PCDHGA4: variants seen among roughly 807,000 people sequenced by gnomAD.
The protein encoded by PCDHGA4 is protocadherin gamma-A4.
In PCDHGA4, 38 loss-of-function variants were observed where a neutral mutation model predicts 54.6. That is an observed-to-expected ratio of 0.70 (90% CI 0.54 to 0.91). The LOEUF (loss-of-function observed/expected upper bound fraction) is 0.91. Ranked by LOEUF, PCDHGA4 falls within the 40% of genes least tolerant of loss-of-function variation. PCDHGA4 has a pLI of 0.00. For synonymous variants in PCDHGA4, 511 were observed against 512.9 expected, an observed-to-expected ratio of 1.00 and a Z score of 0.05; for missense variants, 1,298 against 1,220.9, an observed-to-expected ratio of 1.06 and a Z score of -0.94.
At chr5:141,374,350 G>A in intron 1 of PCDHGA4, 1 of 1,614,038 alleles carries the variant, frequency 6.2e-7, no homozygotes, top group Non-Finnish European at 8.5e-7. Flanking sequence ...CCGCGGGTAG[G>A]ATAGACCGCG....
In PCDHGA4 at chr5:141,477,877, C is replaced by A; in HGVS notation, c.2515-16930C>A. 1 of 1,614,170 alleles carries A rather than the reference C, an allele frequency of 6.2e-7. No homozygotes were observed. The highest frequency in any genetic ancestry group is 8.5e-7 in the Non-Finnish European group (1 of 1,180,036). On this transcript the variant is annotated intron_variant, in intron 1 of 3. Transcript: ENST00000571252. This position sits in a 1 kb window ranked among gnomAD's most constrained non-coding sequence, Gnocchi z 4.9. The stretch of plus-strand genomic sequence containing the variant: ...TGCTGCCTCGAGGTACCTCAGCTGG[C>A]CACCTAGTGTCACGGGTGGTAGGCT...
rs79464787 is a variant in PCDHGA4, at chr5:141,480,455, T to C, written c.2515-14352T>C. Among the ~76,000 whole-genome samples the C allele has an allele frequency of 7.4e-3, 1,134 of 152,274 alleles. 17 individuals are homozygous for C. The highest frequency in any genetic ancestry group is 0.026 in the African/African-American group (1,086 of 41,548). ...CAGCTATTACTATAATTATTTTTAT[T>C]AGTTCCTCACTCACCTAAAATCTCA... On this transcript the variant is annotated intron_variant, in intron 1 of 3. Transcript: ENST00000571252.
intron 1 of PCDHGA4, among the ~76,000 whole-genome samples, chr5:141,469,951 T>C (rs1467717372): frequency 6.6e-6 from 1 of 152,034 alleles, no homozygotes; most frequent in African/African-American, 2.4e-5. Flanking sequence ...GCCAGCATGG[T>C]GAAACCCCAT....
At chr5:141,462,121 T>A (rs977258025) in intron 1 of PCDHGA4, among the ~76,000 whole-genome samples, 2 of 151,730 alleles carry the variant, frequency 1.3e-5, no homozygotes, top group Non-Finnish European at 2.9e-5. Context: ...CTGCACCCAG[T>A]CCAATTTTTT....
chr5:141,460,346 ATTTTC>A (rs1049715417), intron 1 of PCDHGA4, among the ~76,000 whole-genome samples: 6 of 151,964 alleles, frequency 3.9e-5, no homozygotes, highest in Non-Finnish European at 8.8e-5. Flanking sequence ...TTTCTCCTAT[ATTTTC>A]TTTTAGAAGT....
rs897116364 is a variant in PCDHGA4 at position 141,366,050 on chromosome 5, G to C, written c.2514+8429G>C. On this transcript the variant is annotated intron_variant, in intron 1 of 3. Coordinates refer to ENST00000571252, the MANE Select transcript of PCDHGA4 (RefSeq NM_018917.4). ...CGCCCTCCCCACAGACGGTTCCACGGGCGTGGAGCTGGCGCCTCGCTCCGC... is the reference window on the plus strand; with the variant it reads ...CGCCCTCCCCACAGACGGTTCCACGCGCGTGGAGCTGGCGCCTCGCTCCGC... The C allele has an allele frequency of 1.1e-5, 17 of 1,614,126 alleles. No homozygotes were observed. The highest frequency in any genetic ancestry group is 2.2e-5 in the South Asian group (2 of 91,088).
rs530622003 is a variant in PCDHGA4, at chr5:141,437,077, T to G, written c.2515-57730T>G. ...TGATCATTATTTGGTTTGGGCCATA[T>G]AAGAATTGAAACTAACGGCTTAGCT... On this transcript the variant is annotated intron_variant, in intron 1 of 3. Transcript: ENST00000571252. Among the ~76,000 whole-genome samples, 107 of 152,372 alleles carry G rather than the reference T, an allele frequency of 7.0e-4. 1 individual carries two copies. The highest frequency in any genetic ancestry group is 6.4e-3 in the South Asian group (31 of 4,828).
At chr5:141,458,870 C>G (rs540373442) in intron 1 of PCDHGA4, among the ~76,000 whole-genome samples, 1 of 152,264 alleles carries the variant, frequency 6.6e-6, no homozygotes, top group South Asian at 2.1e-4. Flanking sequence ...GTAGCTGGGA[C>G]TACAGGCATG....
Position 141,511,126 on chromosome 5 carries a change from G to A in PCDHGA4, c.2842G>A (p.Gly948Ser). The A allele has an allele frequency of 1.9e-6, 3 of 1,614,212 alleles. No individual in the cohort carries two copies. The highest frequency in any genetic ancestry group is 2.2e-5 in the South Asian group (2 of 91,086). The change falls in exon 4 of 4, where the codon GGT becomes AGT. Residue 948 changes from glycine to serine, a missense_variant. Coordinates refer to ENST00000571252, the MANE Select transcript of PCDHGA4 (RefSeq NM_018917.4). ...AGKRDGKAPA[G>S]GNGNKKKSGK... ...CAAGCGGGATGGCAAGGCCCCAGCA[G>A]GTGGCAATGGCAACAAGAAGAAGTC...
chr5:141,490,726 AATCAGG>A lies in PCDHGA4; in HGVS notation c.2515-4080_2515-4075del. The A allele has an allele frequency of 6.2e-7, 1 of 1,614,202 alleles. No homozygotes were observed. The highest frequency in any genetic ancestry group is 8.5e-7 in the Non-Finnish European group (1 of 1,180,032). On this transcript the variant is annotated intron_variant, in intron 1 of 3. Transcript: ENST00000571252. This position sits in a 1 kb window ranked among gnomAD's most constrained non-coding sequence, Gnocchi z 5.4. Reference sequence around the variant, plus strand: ...CCGCCTCACCTACTCCATTGTAGGAAATCAGGTTCAGGGAGCCCCAGCCTCCTCCTT... The same window carrying A: ...CCGCCTCACCTACTCCATTGTAGGAATTCAGGGAGCCCCAGCCTCCTCCTT...
chr5:141,369,009 CT>C (rs1295175926), intron 1 of PCDHGA4, among the ~76,000 whole-genome samples: 2 of 152,148 alleles, frequency 1.3e-5, no homozygotes, highest in African/African-American at 4.8e-5. Context: ...GAACTCATTG[CT>C]TATTGCTGCA....
chr5:141,408,817 G>T (rs2095174337), intron 1 of PCDHGA4: 2 of 1,613,438 alleles, frequency 1.2e-6, no homozygotes, highest in Admixed American at 1.7e-5. Context: ...GGGAAGAACA[G>T]AGATCTCATA....
intron 1 of PCDHGA4, chr5:141,428,119 C>T (rs2097112199): frequency 6.2e-7 from 1 of 1,606,512 alleles, no homozygotes; most frequent in Non-Finnish European, 8.5e-7. Context: ...GCCATCGAGC[C>T]CGGGCTTTTC....
intron 1 of PCDHGA4, among the ~76,000 whole-genome samples, chr5:141,459,789 G>A (rs960868607): frequency 6.6e-6 from 1 of 152,206 alleles, no homozygotes; most frequent in Non-Finnish European, 1.5e-5. Context: ...AGTTTCAACT[G>A]TTTTTCCCTG....
At chr5:141,428,792 T>A (rs1590880161) in intron 1 of PCDHGA4, 1 of 152,978 alleles carries the variant, frequency 6.5e-6, no homozygotes, top group Middle Eastern at 3.4e-3. Flanking sequence ...TTCCTTTCTG[T>A]GTGGGCCAGT....
intron 3 of PCDHGA4, among the ~76,000 whole-genome samples, chr5:141,509,262 ACT>A (rs761383166): frequency 9.2e-5 from 14 of 151,714 alleles, no homozygotes; most frequent in Non-Finnish European, 1.9e-4. Flanking sequence ...GGCTTTAGTC[ACT>A]CTCGCTACCC....
At chr5:141,378,233 G>C (rs1449430240) in intron 1 of PCDHGA4, 1 of 152,134 alleles carries the variant, frequency 6.6e-6, no homozygotes, top group African/African-American at 2.4e-5. Context: ...TAGTATTTAA[G>C]AGTGAAAATG....
chr5:141,361,268 A>G, intron 1 of PCDHGA4: 5 of 1,613,982 alleles, frequency 3.1e-6, no homozygotes, highest in Non-Finnish European at 4.2e-6. Flanking sequence ...GACTCTGGAG[A>G]AAATGGAGAA....
intron 1 of PCDHGA4, chr5:141,372,656 G>T: frequency 6.2e-7 from 1 of 1,613,956 alleles, no homozygotes; most frequent in Non-Finnish European, 8.5e-7. Flanking sequence ...CCTACAATCC[G>T]TGTGCTGCCT....
Sources: gnomAD v4.1 joint callset for allele counts (sites outside exome capture counted in the v4.1 genomes callset) on GRCh38, gnomAD v4.1.1 for gene constraint, Gnocchi (gnomAD v3.1) non-coding constraint, MANE v1.5 for transcripts, NCBI Gene and HGNC (gene_info 2026-07-23, HGNC 2026-07-21) for gene names.